The following DPP6 variants were observed in gnomAD, a reference collection of about 807,000 sequenced individuals.
The protein encoded by DPP6 is dipeptidyl peptidase like 6, also known as A-type potassium channel modulatory protein DPP6.
DPP6 carries 69 observed loss-of-function variants against 122.6 expected under a neutral mutation model. The ratio of observed to expected loss-of-function variants is 0.56; its 90% CI spans 0.46 to 0.69. The LOEUF is 0.69. DPP6 is among the 30% of genes least tolerant of loss of function. The pLI, the probability that DPP6 is intolerant of heterozygous loss-of-function variation, is 0.00. For missense variants in DPP6, 928 were observed against 1,116.9 expected (o/e 0.83, Z 2.41); for synonymous variants, 418 against 433.1 (o/e 0.97, Z 0.43).
intron 1 of DPP6, among the ~76,000 whole-genome samples, chr7:153,961,697 G>A (rs1795361352): frequency 6.7e-6 from 1 of 150,302 alleles, no homozygotes; most frequent in South Asian, 2.1e-4. Context: ...ATCAGTGGGA[G>A]CCCTGAACTT....
chr7:154,522,532 C>T (rs1827079989), intron 3 of DPP6, among the ~76,000 whole-genome samples: 1 of 152,090 alleles, frequency 6.6e-6, no homozygotes, highest in African/African-American at 2.4e-5. Context: ...CTTGGTTAAG[C>T]GCTTACTGGC....
chr7:153,895,791 A>C (rs1799390465), intron 1 of DPP6, among the ~76,000 whole-genome samples: 1 of 152,116 alleles, frequency 6.6e-6, no homozygotes, highest in African/African-American at 2.4e-5. Flanking sequence ...GATGTAAAAT[A>C]CTGGCACCAT....
chr7:154,884,579 TTACA>T (rs1221109309), intron 21 of DPP6: 2 of 146,528 alleles, frequency 1.4e-5, no homozygotes, highest in African/African-American at 5.1e-5. Context: ...ATACACACGA[TTACA>T]TACACATGCT....
At chr7:154,633,848 T>C (rs1835554556) in intron 5 of DPP6, among the ~76,000 whole-genome samples, 1 of 152,152 alleles carries the variant, frequency 6.6e-6, no homozygotes, top group African/African-American at 2.4e-5. Context: ...TTAAGAGTAG[T>C]GCTCGAGTCA....
the DPP6 span, among the ~76,000 whole-genome samples, chr7:153,865,605 T>C: frequency 0.014 from 2,061 of 152,344 alleles, 61 homozygotes; most frequent in African/African-American, 0.047. Flanking sequence ...TCTTTGCCAA[T>C]ATATAAAGTG....
At chr7:154,580,631 C>T (rs1459659426) in intron 5 of DPP6, among the ~76,000 whole-genome samples, 2 of 152,118 alleles carry the variant, frequency 1.3e-5, no homozygotes, top group Admixed American at 1.3e-4. Context: ...AGCTGAGGCC[C>T]ATGGTCCCAA....
At position 154,213,395 on chromosome 7, in the gene DPP6, G is replaced by A. The variant is rs570927767; in HGVS notation, c.243+160332G>A. On this transcript the variant is annotated intron_variant, in intron 1 of 25. Transcript: ENST00000377770. ...CTGCAACTTATTGTTTCTCTGCCCT[G>A]ACTTAAAGCATGTGTTTCCAAGTTG... Among the ~76,000 whole-genome samples the A allele has an allele frequency of 4.6e-5, 7 of 152,288 alleles. No individual in the cohort carries two copies. The East Asian group carries it at 5.8e-4, about 13-fold the overall frequency.
chr7:154,101,853 G>C (rs1238598774), intron 1 of DPP6, among the ~76,000 whole-genome samples: 1 of 150,482 alleles, frequency 6.6e-6, no homozygotes, highest in African/African-American at 2.5e-5. Context: ...ACTTGAACCT[G>C]GGAGGCAGAG....
chr7:154,327,791 C>T lies in DPP6; in HGVS notation c.244-118423C>T, dbSNP rs116837165. ...TATGAGCTTGTCTCTTAATTACCAC[C>T]ATTTATACTGGACATGTGATTTGGG... On this transcript the variant is annotated intron_variant, in intron 1 of 25. Transcript: ENST00000377770. Among the ~76,000 whole-genome samples, 595 of 152,228 alleles carry T rather than the reference C, an allele frequency of 3.9e-3. 2 individuals carry two copies. Among genetic ancestry groups the T allele is most frequent in the African/African-American group, 0.014 (564 of 41,544 alleles).
the DPP6 span, among the ~76,000 whole-genome samples, chr7:153,846,785 T>G: frequency 6.8e-6 from 1 of 146,932 alleles, no homozygotes; most frequent in Non-Finnish European, 1.5e-5. Context: ...CTCCGCCTCC[T>G]GGGTTCACGC....
intron 1 of DPP6, among the ~76,000 whole-genome samples, chr7:154,108,547 G>T (rs1806332455): frequency 6.6e-6 from 1 of 152,146 alleles, no homozygotes; most frequent in African/African-American, 2.4e-5. Context: ...GCCCCATGCG[G>T]TGCCTAGCAT....
At chr7:154,842,025 T>G (rs551697990) in intron 16 of DPP6, among the ~76,000 whole-genome samples, 1 of 152,344 alleles carries the variant, frequency 6.6e-6, no homozygotes, top group Non-Finnish European at 1.5e-5. Context: ...TCTGGTAGCT[T>G]GGCTAGCTCC....
the DPP6 span, among the ~76,000 whole-genome samples, chr7:153,798,456 GCT>G: frequency 6.6e-6 from 1 of 152,314 alleles, no homozygotes; most frequent in East Asian, 1.9e-4. Context: ...ACAGGCAAAG[GCT>G]CTGAGATTCA....
chr7:154,466,481 G>T (rs1821795236), intron 2 of DPP6, among the ~76,000 whole-genome samples: 2 of 152,190 alleles, frequency 1.3e-5, no homozygotes, highest in Non-Finnish European at 1.5e-5. Flanking sequence ...GCACCTTCTT[G>T]CTGTATCCTC....
At chr7:154,608,320 C>CATATACATATATATATAT (rs1833688615) in intron 5 of DPP6, among the ~76,000 whole-genome samples, 1 of 89,960 alleles carries the variant, frequency 1.1e-5, no homozygotes, top group Non-Finnish European at 2.3e-5. Context: ...TAGGAGTGAT[C>CATATACATATATATATAT]ATATATATAT....
chr7:154,588,791 A>C (rs760375194), intron 5 of DPP6, among the ~76,000 whole-genome samples: 1 of 152,212 alleles, frequency 6.6e-6, no homozygotes, highest in Non-Finnish European at 1.5e-5. Flanking sequence ...TCTGATATGC[A>C]GTTACCTGCT....
chr7:154,301,627 C>T (rs1387903620), intron 1 of DPP6, among the ~76,000 whole-genome samples: 2 of 151,952 alleles, frequency 1.3e-5, no homozygotes, highest in African/African-American at 4.8e-5. Context: ...GAAAGATAGG[C>T]CTTTCTGTAT....
At chr7:154,425,206 T>A (rs1817784683) in intron 1 of DPP6, among the ~76,000 whole-genome samples, 1 of 152,144 alleles carries the variant, frequency 6.6e-6, no homozygotes, top group Non-Finnish European at 1.5e-5. Context: ...GGGTATGGAT[T>A]TTAACAGATT....
chr7:154,152,414 C>T (rs1430893910), intron 1 of DPP6, among the ~76,000 whole-genome samples: 1 of 152,228 alleles, frequency 6.6e-6, no homozygotes, highest in Admixed American at 6.5e-5. Context: ...CCTGACTCTT[C>T]CCAAGACTGT....
Sources: allele counts gnomAD v4.1 joint callset (sites outside exome capture counted in the v4.1 genomes callset), GRCh38; gene constraint gnomAD v4.1.1; transcripts MANE v1.5; gene names NCBI Gene and HGNC (gene_info 2026-07-23, HGNC 2026-07-21).